The following FMO2 variants were observed in gnomAD, a reference collection of about 807,000 sequenced individuals.
FMO2 encodes flavin-containing monooxygenase 2.
FMO2 carries 33 observed loss-of-function variants against 41.6 expected under a neutral mutation model. That is an observed-to-expected ratio of 0.79 (90% confidence interval 0.60 to 1.06). FMO2 has a LOEUF of 1.06. Ranked by LOEUF, FMO2 falls within the 50% of genes least tolerant of loss-of-function variation. The pLI, the probability that FMO2 is intolerant of heterozygous loss-of-function variation, is 0.00. For missense variants in FMO2, 619 were observed against 632.9 expected (o/e 0.98, Z 0.23); for synonymous variants, 214 against 219.6 (o/e 0.97, Z 0.23).
At chr1:171,207,578 C>A (rs773351310) in intron 7 of FMO2, 140 bp from the exon 8 acceptor site, 9 of 654,248 alleles carry the variant, frequency 1.4e-5, no homozygotes, top group Non-Finnish European at 2.2e-5. Context: ...GGGGTGGCAC[C>A]CCCTGAAGTT....
At chr1:171,187,399 T>C (rs1408991039) in intron 2 of FMO2, among the ~76,000 whole-genome samples, 1 of 152,194 alleles carries the variant, frequency 6.6e-6, no homozygotes, top group African/African-American at 2.4e-5. Flanking sequence ...ATCCAGGACC[T>C]GCGCATGCTT....
At chr1:171,208,698 A>T in intron 8 of FMO2, 96 bp from the exon 9 acceptor site, 2 of 1,115,080 alleles carry the variant, frequency 1.8e-6, no homozygotes, top group Non-Finnish European at 2.6e-6. Flanking sequence ...TCACATATTC[A>T]CTCATTCCTT....
Position 171,209,878 on chromosome 1 carries a change from CACA to C in FMO2, c.*738_*740del, listed in dbSNP as rs750452225. The C allele has an allele frequency of 2.0e-5, 3 of 152,154 alleles. No individual in the cohort carries two copies. Among genetic ancestry groups the C allele is most frequent in the Non-Finnish European group, 4.4e-5 (3 of 68,028 alleles). 9.4% of individuals were successfully genotyped at this position (152,154 alleles called of 1,614,324 possible). ...CATATGTATTATTTCATTTAATTCT[CACA>C]ACAATTCTGTGAAATGGTTACAGCT... On this transcript the variant is annotated 3_prime_UTR_variant, in exon 9 of 9. Transcript: ENST00000209929.
chr1:171,199,418 G>T lies in FMO2; in HGVS notation c.557G>T (p.Arg186Leu), dbSNP rs141533648. 1 of 1,612,258 alleles carries T rather than the reference G, an allele frequency of 6.2e-7. No individual in the cohort carries two copies. The highest frequency in any genetic ancestry group is 1.7e-5 in the Admixed American group (1 of 59,808). ...YKHPDGFEGKRILVIGMGNSG... is the reference protein window; with the variant it reads ...YKHPDGFEGKLILVIGMGNSG... ...CATCCAGATGGATTTGAGGGAAAAC[G>T]CATCCTGGTGATTGGAATGGGAAAC... Residue 186 changes from arginine to leucine, a missense_variant, in exon 5 of 9, where the codon CGC becomes CTC. Transcript: ENST00000209929.
chr1:171,188,727 C>A (rs967872826), intron 2 of FMO2, among the ~76,000 whole-genome samples: 5 of 152,164 alleles, frequency 3.3e-5, no homozygotes, highest in African/African-American at 1.2e-4. Flanking sequence ...ATTTACACAA[C>A]TCCTACTGGG....
intron 2 of FMO2, among the ~76,000 whole-genome samples, chr1:171,190,771 C>G (rs1658048880): frequency 6.6e-6 from 1 of 152,158 alleles, no homozygotes. Context: ...CCTACTTCAG[C>G]AAACTAAATG....
intron 4 of FMO2, among the ~76,000 whole-genome samples, chr1:171,197,371 T>C (rs748959662): frequency 2.0e-5 from 3 of 152,142 alleles, no homozygotes; most frequent in Non-Finnish European, 2.9e-5. Flanking sequence ...CCTGGGGAGC[T>C]TCTAAAGCCC....
At chr1:171,206,595 C>G (rs182297586) in intron 7 of FMO2, among the ~76,000 whole-genome samples, 1 of 152,118 alleles carries the variant, frequency 6.6e-6, no homozygotes, top group Non-Finnish European at 1.5e-5. Context: ...TCTGATGGAT[C>G]CTTAGGGACC....
intron 3 of FMO2, among the ~76,000 whole-genome samples, chr1:171,194,043 G>T (rs970977490): frequency 7.2e-5 from 11 of 152,180 alleles, no homozygotes; most frequent in African/African-American, 2.7e-4. Flanking sequence ...GCCCCCCAAA[G>T]TGCTGGGATT....
chr1:171,207,764 CA>C lies in FMO2; in HGVS notation c.1234del (p.Arg412GlyfsTer30). On this transcript the variant is annotated frameshift_variant, in exon 8 of 9. Coordinates refer to ENST00000209929, the MANE Select transcript of FMO2 (RefSeq NM_001460.5). LOFTEE classifies it low-confidence loss of function (END_TRUNC). The part of the protein sequence containing the change: ...SERTMMMDII[K>X]RNEKRIDLFG... ...AGAGAACTATGATGATGGACATTAT[CA>C]AAAGGAATGAAAAAAGAATTGACCT... is the stretch of plus-strand genomic sequence containing the variant. 13 of 1,607,882 alleles carry C rather than the reference CA, an allele frequency of 8.1e-6. No individual in the cohort carries two copies. Among genetic ancestry groups the C allele is most frequent in the Non-Finnish European group, 1.1e-5 (13 of 1,175,302 alleles).
chr1:171,199,368 A>G lies in FMO2; in HGVS notation c.507A>G (p.Gln169=), dbSNP rs1165304995. ...SFPGMERFKG[Q]YFHSRQYKHP... ...AAGGTATGGAGAGGTTCAAAGGCCA[A>G]TATTTCCATAGCCGCCAATACAAGC... Residue 169 remains glutamine (Q), a synonymous_variant, in exon 5 of 9, where the codon CAA becomes CAG. Coordinates refer to ENST00000209929, the MANE Select transcript of FMO2 (RefSeq NM_001460.5). 1.9e-6 allele frequency: 3 copies of G among 1,609,928 alleles called. No individual in the cohort carries two copies. Among genetic ancestry groups the G allele is most frequent in the East Asian group, 2.2e-5 (1 of 44,660 alleles).
At chr1:171,199,768 G>A (rs1658460062) in intron 5 of FMO2, among the ~76,000 whole-genome samples, 1 of 152,044 alleles carries the variant, frequency 6.6e-6, no homozygotes, top group African/African-American at 2.4e-5. Flanking sequence ...CCATATAAGA[G>A]GCCTTTCATC....
intron 4 of FMO2, among the ~76,000 whole-genome samples, chr1:171,198,943 C>A (rs1486321042): frequency 6.6e-6 from 1 of 152,054 alleles, no homozygotes; most frequent in Non-Finnish European, 1.5e-5. Flanking sequence ...CACTCTGTCA[C>A]CCAGACTGGA....
At position 171,199,335 on chromosome 1, in the gene FMO2, T is replaced by C; in HGVS notation, c.485-11T>C. ...TGGAGCTCACAGACTTCTCTCTTCT[T>C]CCCCCTGAAGGTATGGAGAGGTTCA... On this transcript the variant is annotated splice_polypyrimidine_tract_variant and intron_variant, in intron 4 of 8. Coordinates refer to ENST00000209929, the MANE Select transcript of FMO2 (RefSeq NM_001460.5). The C allele has an allele frequency of 6.4e-7, 1 of 1,567,522 alleles. No individual in the cohort carries two copies. Among genetic ancestry groups the C allele is most frequent in the South Asian group, 1.2e-5 (1 of 82,154 alleles).
intron 2 of FMO2, among the ~76,000 whole-genome samples, chr1:171,188,015 T>C (rs1023184070): frequency 2.0e-5 from 3 of 149,066 alleles, no homozygotes; most frequent in Non-Finnish European, 4.4e-5. Context: ...GGTTCACATG[T>C]AGATTTCAGC....
chr1:171,199,345 G>T lies in FMO2; in HGVS notation c.485-1G>T. The stretch of plus-strand genomic sequence containing the variant: ...AGACTTCTCTCTTCTTCCCCCTGAA[G>T]GTATGGAGAGGTTCAAAGGCCAATA... On this transcript the variant is annotated splice_acceptor_variant, in intron 4 of 8. Coordinates refer to ENST00000209929, the MANE Select transcript of FMO2 (RefSeq NM_001460.5). LOFTEE classifies it high-confidence loss of function. The T allele has an allele frequency of 6.3e-7, 1 of 1,598,694 alleles. No individual in the cohort carries two copies. Among genetic ancestry groups the T allele is most frequent in the South Asian group, 1.1e-5 (1 of 87,512 alleles).
Position 171,209,181 on chromosome 1 carries a change from T to G in FMO2, c.*36T>G. ...GCTTTGGGCTTTATTATCTTGTCAGTCACTACCTCCTAAAGAAAAAAAAAA... is the reference window on the plus strand; with the variant it reads ...GCTTTGGGCTTTATTATCTTGTCAGGCACTACCTCCTAAAGAAAAAAAAAA... On this transcript the variant is annotated 3_prime_UTR_variant, in exon 9 of 9. Transcript: ENST00000209929. The G allele has an allele frequency of 2.4e-6, 1 of 421,738 alleles. No homozygotes were observed. The allele number at this position is 421,738 out of a possible 1,614,324, so 26.1% of individuals were successfully genotyped here.
At position 171,197,408 on chromosome 1, in the gene FMO2, G is replaced by T. The variant is rs183933983; in HGVS notation, c.484+597G>T. ...GATGGCCTGGAGACCTACCCCCAAA[G>T]ATTCAAACACTATGGAGTAGGGTTA... On this transcript the variant is annotated intron_variant, in intron 4 of 8. Coordinates refer to ENST00000209929, the MANE Select transcript of FMO2 (RefSeq NM_001460.5). Among the ~76,000 whole-genome samples, 26 of 152,266 alleles carry T rather than the reference G, an allele frequency of 1.7e-4. 1 individual carries two copies. In the East Asian group the frequency reaches 4.8e-3, roughly 28 times the overall value.
chr1:171,206,984 T>C (rs1658779524), intron 7 of FMO2, among the ~76,000 whole-genome samples: 2 of 152,142 alleles, frequency 1.3e-5, no homozygotes, highest in Admixed American at 1.3e-4. Context: ...ATCTCTGGCA[T>C]TGGAAACCAG....
Sources: allele counts gnomAD v4.1 joint callset (sites outside exome capture counted in the v4.1 genomes callset), GRCh38; gene constraint gnomAD v4.1.1; transcripts MANE v1.5; gene names NCBI Gene and HGNC (gene_info 2026-07-23, HGNC 2026-07-21).